ROBO2: variants seen among roughly 807,000 people sequenced by gnomAD.
ROBO2 encodes the protein roundabout homolog 2.
In ROBO2, 53 loss-of-function variants were observed where a neutral mutation model predicts 160.8. The ratio of observed to expected loss-of-function variants is 0.33; its 90% confidence interval spans 0.26 to 0.41. The LOEUF (loss-of-function observed/expected upper bound fraction) is 0.41, where lower values mean the gene tolerates loss of function less well. Ranked by LOEUF, ROBO2 falls within the 10% of genes least tolerant of loss-of-function variation. ROBO2 has a pLI of 1.00. For synonymous variants in ROBO2, 664 were observed against 611.7 expected (o/e 1.09, Z -1.26); for missense variants, 1,577 against 1,722.4 (o/e 0.92, Z 1.49).
intron 2 of ROBO2, among the ~76,000 whole-genome samples, chr3:76,183,947 CATT>C (rs1701627283): frequency 6.6e-6 from 1 of 152,022 alleles, no homozygotes; most frequent in African/African-American, 2.4e-5. Flanking sequence ...CAAAATAACT[CATT>C]ATTTCTTGAA....
intron 16 of ROBO2, among the ~76,000 whole-genome samples, chr3:77,587,932 G>A (rs2094094687): frequency 6.6e-6 from 1 of 151,994 alleles, no homozygotes; most frequent in Admixed American, 6.6e-5. Context: ...ACAAGTTTAA[G>A]ACCTATTTAA....
chr3:77,157,269 A>G (rs920468349), intron 2 of ROBO2, among the ~76,000 whole-genome samples: 5 of 152,122 alleles, frequency 3.3e-5, no homozygotes, highest in African/African-American at 9.7e-5. Context: ...AAGAGATCCC[A>G]TACTTAACAA....
chr3:77,634,814 A>G lies in ROBO2; in HGVS notation c.3761-56A>G, dbSNP rs957992857. 6.6e-6 allele frequency: 10 copies of G among 1,518,700 alleles called. No homozygotes were observed. In the African/African-American group the frequency reaches 9.6e-5, roughly 15 times the overall value. 94.1% of individuals were successfully genotyped at this position (1,518,700 alleles called of 1,614,324 possible). A position where few individuals can be genotyped will look rare whatever the true frequency, so the allele number is the denominator to read the frequency against. Reference sequence around the variant, plus strand: ...GTCATAGTGCAGAAATATAGGACAGAATCAGTGTGCTATAATGTCATTCTC... The same window carrying G: ...GTCATAGTGCAGAAATATAGGACAGGATCAGTGTGCTATAATGTCATTCTC... On this transcript the variant is annotated intron_variant, in intron 23 of 25. Coordinates refer to ENST00000461745, the Ensembl canonical transcript of ROBO2.
chr3:76,146,792 C>CA (rs113399182), intron 2 of ROBO2, among the ~76,000 whole-genome samples: 49,516 of 127,138 alleles, frequency 0.39, 10,432 homozygotes, highest in South Asian at 0.48. Context: ...CACAGACACC[C>CA]ACTGCCCAAG....
intron 2 of ROBO2, among the ~76,000 whole-genome samples, chr3:76,344,775 G>C (rs1489440273): frequency 6.6e-6 from 1 of 152,142 alleles, no homozygotes; most frequent in Non-Finnish European, 1.5e-5. Flanking sequence ...TATGTGCTGA[G>C]AGAAAAACCA....
rs182103205 is a variant in ROBO2, at chr3:77,537,391, A to G, written c.935-8947A>G. The stretch of plus-strand genomic sequence containing the variant: ...AGAGTAATAGCTGCATAATAGTAAC[A>G]TGTTTTGCTCATACAATGAATGAAT... On this transcript the variant is annotated intron_variant, in intron 6 of 25. Transcript: ENST00000461745. 1.6e-3 allele frequency among the ~76,000 whole-genome samples: 248 copies of G among 152,246 alleles called. 1 individual carries two copies. Among genetic ancestry groups the G allele is most frequent in the Middle Eastern group, 6.8e-3 (2 of 294 alleles).
chr3:75,929,714 A>G (rs113282169), intron 1 of ROBO2, among the ~76,000 whole-genome samples: 1 of 150,432 alleles, frequency 6.6e-6, no homozygotes, highest in South Asian at 2.1e-4. Context: ...TTTTTTTTTG[A>G]GATGGAGTCT....
At chr3:76,852,840 A>G (rs17014813) in intron 2 of ROBO2, among the ~76,000 whole-genome samples, 18,945 of 152,098 alleles carry the variant, frequency 0.12, 1,347 homozygotes, top group East Asian at 0.24. Context: ...ACTGTTATAT[A>G]TATGTCGTGA....
chr3:75,979,933 TAAA>T (rs2065231386), intron 2 of ROBO2, among the ~76,000 whole-genome samples: 1 of 151,570 alleles, frequency 6.6e-6, no homozygotes, highest in African/African-American at 2.4e-5. Flanking sequence ...TTCCATTTCC[TAAA>T]AAATACCCAT....
chr3:77,393,120 T>C (rs2074913577), intron 2 of ROBO2, among the ~76,000 whole-genome samples: 1 of 152,154 alleles, frequency 6.6e-6, no homozygotes, highest in Non-Finnish European at 1.5e-5. Context: ...TTGCATTTAT[T>C]GAAAATTTTC....
chr3:76,780,049 C>T (rs556564008), intron 2 of ROBO2, among the ~76,000 whole-genome samples: 74 of 151,010 alleles, frequency 4.9e-4, no homozygotes, highest in Middle Eastern at 6.8e-3. Context: ...TTCATATTCT[C>T]ATCAACACTA....
At chr3:77,409,786 A>G (rs2153520102) in intron 2 of ROBO2, among the ~76,000 whole-genome samples, 1 of 152,286 alleles carries the variant, frequency 6.6e-6, no homozygotes, top group South Asian at 2.1e-4. Flanking sequence ...GCCCAACTGC[A>G]ATGTGTATCT....
chr3:76,647,372 C>T (rs540354688), intron 2 of ROBO2, among the ~76,000 whole-genome samples: 15 of 152,256 alleles, frequency 9.9e-5, no homozygotes, highest in Middle Eastern at 3.4e-3. Flanking sequence ...TGCCCCCTAT[C>T]GGCAGAGCCT....
chr3:76,755,804 G>A (rs1462991164), intron 2 of ROBO2, among the ~76,000 whole-genome samples: 1 of 151,646 alleles, frequency 6.6e-6, no homozygotes, highest in Admixed American at 6.6e-5. Flanking sequence ...TTATGTTTAG[G>A]AAATCAGTTT....
At chr3:76,810,911 T>G (rs1175344399) in intron 2 of ROBO2, among the ~76,000 whole-genome samples, 1 of 152,114 alleles carries the variant, frequency 6.6e-6, no homozygotes, top group Non-Finnish European at 1.5e-5. Flanking sequence ...TGACAGTATG[T>G]GAGATGAAGA....
intron 2 of ROBO2, among the ~76,000 whole-genome samples, chr3:76,384,883 G>A (rs9872997): frequency 0.064 from 9,736 of 152,250 alleles, 888 homozygotes; most frequent in African/African-American, 0.2. Context: ...AGATTTGGGT[G>A]GGGACACAGC....
At chr3:76,940,158 A>G (rs958370805) in intron 2 of ROBO2, among the ~76,000 whole-genome samples, 1 of 151,560 alleles carries the variant, frequency 6.6e-6, no homozygotes, top group Non-Finnish European at 1.5e-5. Flanking sequence ...ATTTTTTTGT[A>G]TTTTTAGTAG....
chr3:76,261,197 T>A (rs1200719001), intron 2 of ROBO2, among the ~76,000 whole-genome samples: 12 of 128,582 alleles, frequency 9.3e-5, no homozygotes, highest in Non-Finnish European at 1.4e-4. Flanking sequence ...TGTGTGTGTG[T>A]GTGTGTATAT....
At chr3:77,594,290 TGGAGTCCA>T (rs2094247894) in intron 17 of ROBO2, among the ~76,000 whole-genome samples, 1 of 152,226 alleles carries the variant, frequency 6.6e-6, no homozygotes, top group Non-Finnish European at 1.5e-5. Context: ...TGAATCATTC[TGGAGTCCA>T]GATCCATTTG....
Sources: gnomAD v4.1 joint callset for allele counts (sites outside exome capture counted in the v4.1 genomes callset) on GRCh38, gnomAD v4.1.1 for gene constraint, MANE v1.5 for transcripts, NCBI Gene and HGNC (gene_info 2026-07-23, HGNC 2026-07-21) for gene names.